Variants in FAM47E observed in about 807,000 individuals in gnomAD.
FAM47E encodes protein FAM47E.
Under a neutral mutation model 41.6 loss-of-function variants are expected in FAM47E, and 32 were observed. The ratio of observed to expected loss-of-function variants is 0.77; its 90% confidence interval spans 0.58 to 1.03. The LOEUF is 1.03. Among genes scored for constraint, FAM47E ranks in the 50% least tolerant of loss-of-function variants. The pLI is 0.00. For missense variants in FAM47E, 424 were observed against 485.4 expected (o/e 0.87, Z 1.19); for synonymous variants, 184 against 188.7 (o/e 0.98, Z 0.20).
At chr4:76,242,775 G>A (rs577834833) in intron 2 of FAM47E, among the ~76,000 whole-genome samples, 8 of 152,096 alleles carry the variant, frequency 5.3e-5, no homozygotes, top group Non-Finnish European at 1.2e-4. Flanking sequence ...TTGATTACAT[G>A]TTAAAATCAT....
chr4:76,238,228 A>G (rs1733628440), intron 2 of FAM47E, among the ~76,000 whole-genome samples: 1 of 152,252 alleles, frequency 6.6e-6, no homozygotes, highest in Non-Finnish European at 1.5e-5. Context: ...GACCCAGGTC[A>G]GGCTGAATGT....
intron 1 of FAM47E, chr4:76,214,486 T>G (rs1219617921): frequency 2.8e-6 from 1 of 362,502 alleles, no homozygotes; most frequent in African/African-American, 2.2e-5. Flanking sequence ...GAAGTTCCTT[T>G]TGACTGTAGG....
intron 2 of FAM47E, among the ~76,000 whole-genome samples, chr4:76,239,210 A>G (rs1733649557): frequency 6.6e-6 from 1 of 152,162 alleles, no homozygotes; most frequent in Non-Finnish European, 1.5e-5. Flanking sequence ...AGATGTACAG[A>G]TATCTCTTTG....
chr4:76,280,443 T>C (rs1735298411), intron 7 of FAM47E, 102 bp downstream of exon 7: 1 of 624,334 alleles, frequency 1.6e-6, no homozygotes, highest in African/African-American at 1.8e-5. Context: ...ATAGTTCTCT[T>C]ACAGGCACAT....
chr4:76,228,246 G>A (rs998891464), intron 2 of FAM47E, among the ~76,000 whole-genome samples: 1 of 152,102 alleles, frequency 6.6e-6, no homozygotes. Context: ...GGGAGGCTGA[G>A]GGGGGTGCAG....
intron 1 of FAM47E, among the ~76,000 whole-genome samples, chr4:76,217,251 A>G (rs1733224691): frequency 1.3e-5 from 2 of 152,220 alleles, no homozygotes; most frequent in African/African-American, 2.4e-5. Flanking sequence ...GGAAGGGGTT[A>G]CTGCTCCCAG....
At chr4:76,268,572 A>T (rs528434403) in intron 3 of FAM47E, 88 bp from the exon 4 acceptor site, 8 of 1,355,834 alleles carry the variant, frequency 5.9e-6, no homozygotes, top group Admixed American at 2.8e-5. Context: ...TACTTGCTTT[A>T]TGATTTCCTT....
chr4:76,262,099 T>TATGGGGTCTGTATATGAGTATATG (rs1734442433), intron 2 of FAM47E, among the ~76,000 whole-genome samples: 2 of 152,114 alleles, frequency 1.3e-5, no homozygotes, highest in African/African-American at 2.4e-5. Flanking sequence ...GTGGAATGGA[T>TATGGGGTCTGTATATGAGTATATG]TTCCCTATAC....
At chr4:76,230,497 C>T (rs1053020895) in intron 2 of FAM47E, among the ~76,000 whole-genome samples, 1 of 152,204 alleles carries the variant, frequency 6.6e-6, no homozygotes, top group Admixed American at 6.5e-5. Context: ...TGTCTGCCCA[C>T]ACGATGGGCC....
At chr4:76,248,388 GT>G (rs1733878045), upstream of FAM47E, among the ~76,000 whole-genome samples, 2 of 152,116 alleles carry the variant, frequency 1.3e-5, no homozygotes, top group East Asian at 3.9e-4. Context: ...GAAGTTTGTA[GT>G]TTTAGCTCTT....
chr4:76,269,661 T>C (rs1374861434), intron 4 of FAM47E: 1 of 151,710 alleles, frequency 6.6e-6, no homozygotes, highest in Non-Finnish European at 1.5e-5. Context: ...CTGGGCATGA[T>C]GGTGTGCCCC....
At chr4:76,241,460 GT>G (rs879273086) in intron 2 of FAM47E, among the ~76,000 whole-genome samples, 33 of 147,474 alleles carry the variant, frequency 2.2e-4, no homozygotes, top group South Asian at 1.1e-3. Flanking sequence ...TTGGAGGACA[GT>G]TTTTTTTTTT....
At chr4:76,222,571 ACCAG>A (rs1424978881) in intron 2 of FAM47E, among the ~76,000 whole-genome samples, 2 of 152,048 alleles carry the variant, frequency 1.3e-5, no homozygotes, top group Non-Finnish European at 2.9e-5. Context: ...CGCTGCCTCC[ACCAG>A]CCCTGTCCTA....
rs977976286 is a variant in FAM47E, at chr4:76,283,246, A to G, written c.1105-135A>G. On this transcript the variant is annotated intron_variant, in intron 7 of 7. Transcript: ENST00000424749. ...CATCTATCATGGTCAGATTATTAAC[A>G]TGTGATTTTGCATAGTGTAAGGATA... is the stretch of plus-strand genomic sequence containing the variant. 1.9e-5 allele frequency: 7 copies of G among 369,278 alleles called. No homozygotes were observed. The Admixed American group carries it at 2.4e-4, about 13-fold the overall frequency. 22.9% of individuals were successfully genotyped at this position (369,278 alleles called of 1,614,324 possible).
intron 2 of FAM47E, among the ~76,000 whole-genome samples, chr4:76,258,518 C>T (rs1734278310): frequency 6.6e-6 from 1 of 152,180 alleles, no homozygotes; most frequent in African/African-American, 2.4e-5. Context: ...AGAGGCGCTT[C>T]ACTCAGTGGG....
chr4:76,218,599 T>C (rs912407293), intron 2 of FAM47E, among the ~76,000 whole-genome samples: 2 of 152,238 alleles, frequency 1.3e-5, no homozygotes, highest in Admixed American at 1.3e-4. Context: ...GGTTTGGTTT[T>C]TATTTTGTTT....
At chr4:76,272,075 T>C (rs72655583) in intron 5 of FAM47E, among the ~76,000 whole-genome samples, 8,714 of 152,330 alleles carry the variant, frequency 0.057, 317 homozygotes, top group Middle Eastern at 0.088. Flanking sequence ...ATGGTTATTA[T>C]TGCAAGAGCA....
intron 3 of FAM47E, chr4:76,267,681 A>G (rs559962100): frequency 6.6e-6 from 1 of 152,366 alleles, no homozygotes. Context: ...AAAGTGGTCT[A>G]TGTAGACCAT....
chr4:76,227,000 T>TTTTG (rs56371323), intron 2 of FAM47E, among the ~76,000 whole-genome samples: 136,729 of 151,334 alleles, frequency 0.9, 63,113 homozygotes, highest in East Asian at 1. Context: ...GTCTTTCGAA[T>TTTTG]TTTGTTTGTT....
Sources: gnomAD v4.1 joint callset for allele counts (sites outside exome capture counted in the v4.1 genomes callset) on GRCh38, gnomAD v4.1.1 for gene constraint, MANE v1.5 for transcripts, NCBI Gene and HGNC (gene_info 2026-07-23, HGNC 2026-07-21) for gene names.